ARNT: variants seen among roughly 807,000 people sequenced by gnomAD.
ARNT encodes class E basic helix-loop-helix protein 2.
Under a neutral mutation model 105.0 loss-of-function variants are expected in ARNT, and 30 were observed. That is an observed-to-expected ratio of 0.29 (90% CI 0.21 to 0.39). The LOEUF (loss-of-function observed/expected upper bound fraction) is 0.39. Ranked by LOEUF, ARNT falls within the 10% of genes least tolerant of loss-of-function variation. The pLI is 1.00. For missense variants in ARNT, 748 were observed against 978.7 expected, an observed-to-expected ratio of 0.76 and a Z score of 3.15; for synonymous variants, 304 against 344.0, an observed-to-expected ratio of 0.88 and a Z score of 1.29.
chr1:150,842,439 T>C lies in ARNT; in HGVS notation c.257A>G (p.Lys86Arg), dbSNP rs767352759. The change falls in exon 5 of 22, where the codon AAA (lysine) becomes AGA (arginine). Residue 86 changes from lysine to arginine, a missense_variant. This residue lies in a region of ARNT where 291 missense variants were observed against 444.6 expected (regional missense o/e 0.65). Transcript: ENST00000358595. ...GTTCTCCTACCTGGCAAGTCTCTCT[T>C]TATCCGCAGAGCTCTGCTCATCATC... Reference protein sequence around the residue: ...RSDDEQSSADKERLARENHSE... With the variant: ...RSDDEQSSADRERLARENHSE... 13 of 1,612,604 alleles carry C rather than the reference T, an allele frequency of 8.1e-6. No homozygotes were observed. The Admixed American group carries it at 1.7e-4, about 21-fold the overall frequency.
intron 6 of ARNT, 75 bp from the exon 7 acceptor site, chr1:150,836,568 A>G: frequency 6.9e-7 from 1 of 1,440,954 alleles, no homozygotes; most frequent in East Asian, 2.5e-5. Flanking sequence ...GGAAGAAGTA[A>G]GACACTTCAG....
chr1:150,834,861 T>C (rs751977245), intron 7 of ARNT: 15 of 479,098 alleles, frequency 3.1e-5, no homozygotes, highest in Non-Finnish European at 5.0e-5. Context: ...GCATTGAAAA[T>C]AACATTGTGC....
At chr1:150,850,030 C>A (rs769225289) in intron 3 of ARNT, among the ~76,000 whole-genome samples, 3 of 152,092 alleles carry the variant, frequency 2.0e-5, no homozygotes, top group Non-Finnish European at 4.4e-5. Context: ...CCAGCCTGGG[C>A]AACAGAGGAA....
chr1:150,868,904 T>C (rs904613864), intron 1 of ARNT, among the ~76,000 whole-genome samples: 2 of 139,540 alleles, frequency 1.4e-5, no homozygotes, highest in African/African-American at 5.4e-5. Context: ...TCTCAAAAAA[T>C]AATAATAAAA....
chr1:150,840,013 G>A lies in ARNT; in HGVS notation c.273-359C>T, dbSNP rs147359820. On this transcript the variant is annotated intron_variant, in intron 5 of 21. Transcript: ENST00000358595. ...CCCAGCACTTTGGGAGATGGAGGCAGGTGGATTACTTGAGGCCAGGAGTTT... is the reference window on the plus strand; with the variant it reads ...CCCAGCACTTTGGGAGATGGAGGCAAGTGGATTACTTGAGGCCAGGAGTTT... Among the ~76,000 whole-genome samples, 228 of 152,298 alleles carry A rather than the reference G, an allele frequency of 1.5e-3. 4 individuals carry two copies. In the East Asian group the frequency reaches 0.041, roughly 28 times the overall value.
intron 1 of ARNT, among the ~76,000 whole-genome samples, chr1:150,863,172 A>AC (rs1557957141): frequency 6.6e-6 from 1 of 151,758 alleles, no homozygotes; most frequent in East Asian, 1.9e-4. Context: ...GACCAGCCTG[A>AC]CCAACACGGC....
At chr1:150,859,963 C>T (rs1198328244) in intron 1 of ARNT, among the ~76,000 whole-genome samples, 2 of 151,128 alleles carry the variant, frequency 1.3e-5, no homozygotes, top group Non-Finnish European at 2.9e-5. Context: ...GTCGTGATTG[C>T]ACCACTGCAC....
chr1:150,840,945 C>CA (rs1661169170), intron 5 of ARNT, among the ~76,000 whole-genome samples: 1 of 103,728 alleles, frequency 9.6e-6, no homozygotes, highest in Non-Finnish European at 1.9e-5. Context: ...CTCTCTTCTT[C>CA]TTTTTTTTTT....
At chr1:150,817,243 C>T (rs1222617417) in intron 16 of ARNT, 41 bp from the exon 17 acceptor site, 1 of 1,612,892 alleles carries the variant, frequency 6.2e-7, no homozygotes. Context: ...AAAGATTTAA[C>T]ATGACAATTC....
intron 2 of ARNT, among the ~76,000 whole-genome samples, chr1:150,857,424 C>T (rs1187656362): frequency 2.0e-5 from 3 of 152,168 alleles, no homozygotes; most frequent in African/African-American, 7.2e-5. Context: ...GTTACTTATT[C>T]AGCTTATGCT....
At chr1:150,813,034 C>T (rs1655055993) in intron 21 of ARNT, 138 bp downstream of exon 21, 4 of 951,422 alleles carry the variant, frequency 4.2e-6, no homozygotes, top group Non-Finnish European at 6.2e-6. Flanking sequence ...GTGATCCCTA[C>T]ATTTATCCCT....
At chr1:150,819,212 C>T (rs1374435541) in intron 14 of ARNT, among the ~76,000 whole-genome samples, 1 of 140,446 alleles carries the variant, frequency 7.1e-6, no homozygotes, top group Admixed American at 7.4e-5. Context: ...TTGATACCTA[C>T]TAGATGGCTA....
chr1:150,847,699 T>C (rs1662505886), intron 3 of ARNT, among the ~76,000 whole-genome samples: 1 of 152,250 alleles, frequency 6.6e-6, no homozygotes, highest in Admixed American at 6.5e-5. Flanking sequence ...TAATAGCATG[T>C]ATCATTATAA....
chr1:150,837,845 CATT>C (rs1278016051), intron 6 of ARNT, among the ~76,000 whole-genome samples: 2 of 151,986 alleles, frequency 1.3e-5, no homozygotes, highest in South Asian at 2.1e-4. Flanking sequence ...AAACCTGAAT[CATT>C]ATTTCCCTCT....
intron 18 of ARNT, 149 bp from the exon 19 acceptor site, chr1:150,816,555 G>A: frequency 9.2e-7 from 1 of 1,083,568 alleles, no homozygotes; most frequent in Non-Finnish European, 1.3e-6. Flanking sequence ...AGACAAGAAA[G>A]ACTGACAGTC....
chr1:150,838,977 T>C (rs587723702), intron 6 of ARNT, among the ~76,000 whole-genome samples: 3 of 152,370 alleles, frequency 2.0e-5, no homozygotes, highest in East Asian at 1.9e-4. Flanking sequence ...CTTTTTTTCA[T>C]AGTGATCACA....
In ARNT at chr1:150,814,255, G is replaced by A. The variant is rs1655359581; in HGVS notation, c.1951-16C>T. 6.2e-7 allele frequency: 1 copy of A among 1,613,208 alleles called. No homozygotes were observed. Among genetic ancestry groups the A allele is most frequent in the Non-Finnish European group, 8.5e-7 (1 of 1,179,366 alleles). Reference sequence around the variant, plus strand: ...TAGCCACCTGCTAAAGAGAGATGGAGAGGGGATATAGAACAAATACAGCAT... The same window carrying A: ...TAGCCACCTGCTAAAGAGAGATGGAAAGGGGATATAGAACAAATACAGCAT... On this transcript the variant is annotated splice_polypyrimidine_tract_variant and intron_variant, in intron 19 of 21. Transcript: ENST00000358595.
chr1:150,876,051 T>C (rs994041136), intron 1 of ARNT, among the ~76,000 whole-genome samples: 9 of 152,316 alleles, frequency 5.9e-5, no homozygotes, highest in Non-Finnish European at 1.0e-4. Context: ...AGAATGTCCA[T>C]TTTTTATTTT....
chr1:150,813,407 G>C, intron 20 of ARNT, 69 bp from the exon 21 acceptor site: 1 of 1,462,914 alleles, frequency 6.8e-7, no homozygotes, highest in Non-Finnish European at 9.1e-7. Flanking sequence ...AATGCCACAA[G>C]TAAACAACTA....
Sources: allele counts gnomAD v4.1 joint callset (sites outside exome capture counted in the v4.1 genomes callset), GRCh38; gene constraint gnomAD v4.1.1; regional missense constraint gnomAD v4.1.1; transcripts MANE v1.5; gene names NCBI Gene and HGNC (gene_info 2026-07-23, HGNC 2026-07-21).